Variants in GSAP observed in about 807,000 individuals in gnomAD.
GSAP encodes gamma-secretase activating protein.
A neutral mutation model predicts 131.7 loss-of-function variants in GSAP; 118 were observed. The ratio of observed to expected loss-of-function variants is 0.90; its 90% CI spans 0.77 to 1.04. The LOEUF (loss-of-function observed/expected upper bound fraction) is 1.04. Ranked by LOEUF, GSAP falls within the 50% of genes least tolerant of loss-of-function variation. The pLI is 0.00. For synonymous variants in GSAP, 381 were observed against 363.4 expected (o/e 1.05, Z -0.55); for missense variants, 1,019 against 1,013.2 (o/e 1.01, Z -0.08).
chr7:77,382,096 T>C (rs1421445900), intron 7 of GSAP, among the ~76,000 whole-genome samples: 1 of 150,954 alleles, frequency 6.6e-6, no homozygotes, highest in African/African-American at 2.4e-5. Flanking sequence ...TGGAAGGACA[T>C]AACCTTTTAT....
At chr7:77,345,064 C>A (rs1441193046) in intron 19 of GSAP, among the ~76,000 whole-genome samples, 2 of 152,182 alleles carry the variant, frequency 1.3e-5, no homozygotes, top group Non-Finnish European at 1.5e-5. Flanking sequence ...GCCAACCAAG[C>A]AAGTAATTAT....
chr7:77,379,900 G>A, intron 8 of GSAP: 1 of 977,818 alleles, frequency 1.0e-6, no homozygotes, highest in African/African-American at 1.7e-5. Flanking sequence ...TTCAATAGCT[G>A]ATACACAATT....
At chr7:77,330,406 G>A in intron 19 of GSAP, 39 bp from the exon 20 acceptor site, 1 of 1,603,260 alleles carries the variant, frequency 6.2e-7, no homozygotes, top group Non-Finnish European at 8.5e-7. Flanking sequence ...TCAGAGGCAG[G>A]CCCAGTGGCC....
chr7:77,403,127 T>C (rs548778120), intron 3 of GSAP, among the ~76,000 whole-genome samples: 6 of 152,338 alleles, frequency 3.9e-5, no homozygotes, highest in African/African-American at 9.6e-5. Flanking sequence ...CAGACTATGA[T>C]GTCTCCTCTC....
chr7:77,347,294 A>C (rs900389202), intron 19 of GSAP, among the ~76,000 whole-genome samples: 1 of 152,148 alleles, frequency 6.6e-6, no homozygotes, highest in African/African-American at 2.4e-5. Context: ...ACTTAAAGAC[A>C]GTTGGTCAGA....
intron 14 of GSAP, among the ~76,000 whole-genome samples, chr7:77,355,866 T>A (rs989477034): frequency 6.7e-6 from 1 of 148,512 alleles, no homozygotes; most frequent in African/African-American, 2.5e-5. Flanking sequence ...GTCGGCCCAC[T>A]GCAGCCTCAA....
intron 6 of GSAP, 144 bp downstream of exon 6, chr7:77,387,216 A>T: frequency 2.2e-6 from 1 of 461,912 alleles, no homozygotes; most frequent in East Asian, 3.4e-5. Flanking sequence ...GCAAACAAAG[A>T]GCGGATACTT....
chr7:77,362,631 A>G lies in GSAP; in HGVS notation c.901T>C (p.Cys301Arg), dbSNP rs1356635416. Residue 301 changes from cysteine to arginine, a missense_variant, in exon 13 of 31, where the codon TGT becomes CGT. Physicochemically the swap from Cys to Arg is radical, Grantham distance 180 (BLOSUM62 -3). Coordinates refer to ENST00000257626, the MANE Select transcript of GSAP (RefSeq NM_017439.4). ...GSLCVCYSPK[C>R]ASWGQITYSV... is the part of the protein sequence containing the mutation. The stretch of plus-strand genomic sequence containing the variant: ...TATGTGATTTGTCCCCAAGAGGCAC[A>G]CTTCGGGCTGTAACATACACACAAA... The G allele has an allele frequency of 2.5e-6, 4 of 1,584,858 alleles. No homozygotes were observed. Among genetic ancestry groups the G allele is most frequent in the Non-Finnish European group, 3.5e-6 (4 of 1,154,012 alleles).
In GSAP at chr7:77,320,817, T is replaced by C; in HGVS notation, c.1997A>G (p.Asn666Ser). The part of the protein sequence containing the change: ...HNLHSWVLHF[N>S]SRGSAAEFAV... ...AAATTCAGCAGCACTGCCACGACTA[T>C]TGCTGGGTAAAAAAAACAAAGCAGC... The change falls in exon 26 of 31, where the codon AAT becomes AGT. Residue 666 changes from asparagine to serine, a missense_variant and splice_region_variant. By Grantham distance (46) the Asn-to-Ser change is conservative. Transcript: ENST00000257626. 1 of 1,597,040 alleles carries C rather than the reference T, an allele frequency of 6.3e-7. No individual in the cohort carries two copies. Among genetic ancestry groups the C allele is most frequent in the African/African-American group, 1.3e-5 (1 of 74,684 alleles).
chr7:77,394,207 A>T (rs987552063), intron 5 of GSAP, among the ~76,000 whole-genome samples: 4 of 152,106 alleles, frequency 2.6e-5, no homozygotes, highest in Non-Finnish European at 5.9e-5. Context: ...CCACACCTTT[A>T]CAATGGCCTC....
At chr7:77,379,909 T>C (rs1797542523) in intron 8 of GSAP, 1 of 976,432 alleles carries the variant, frequency 1.0e-6, no homozygotes, top group Admixed American at 6.1e-5. Flanking sequence ...TGATACACAA[T>C]TGATAAATTC....
At chr7:77,330,478 G>C in intron 19 of GSAP, 111 bp from the exon 20 acceptor site, 1 of 1,438,958 alleles carries the variant, frequency 6.9e-7, no homozygotes, top group South Asian at 1.5e-5. Context: ...CCACATTTCT[G>C]AGTGAATACT....
chr7:77,361,170 G>C (rs1794476703), intron 13 of GSAP, among the ~76,000 whole-genome samples: 1 of 152,178 alleles, frequency 6.6e-6, no homozygotes. Context: ...GAGAGGATCT[G>C]AAGGAATTTA....
chr7:77,317,668 T>C (rs1787042843), intron 26 of GSAP, among the ~76,000 whole-genome samples: 1 of 152,208 alleles, frequency 6.6e-6, no homozygotes, highest in African/African-American at 2.4e-5. Context: ...GGGTAGAAAG[T>C]GGATTTTTAT....
rs35007328 is a variant in GSAP at position 77,365,898 on chromosome 7, GTT to G, written c.872-3240_872-3239del. 3.9e-3 allele frequency among the ~76,000 whole-genome samples: 448 copies of G among 115,554 alleles called. 3 individuals are homozygous for G. Among genetic ancestry groups the G allele is most frequent in the East Asian group, 0.024 (89 of 3,692 alleles). 75.8% of individuals were successfully genotyped at this position (115,554 alleles called of 152,430 possible). A position where few individuals can be genotyped will look rare whatever the true frequency, so the allele number is the denominator to read the frequency against. ...TCTGCAACCTTGCCAGCAACTGTGG[GTT>G]TTTTTTTTTTTTTTTTTTTTTTACT... On this transcript the variant is annotated intron_variant, in intron 12 of 30. Coordinates refer to ENST00000257626, the MANE Select transcript of GSAP (RefSeq NM_017439.4).
chr7:77,365,680 G>A (rs1045114036), intron 12 of GSAP, among the ~76,000 whole-genome samples: 2 of 152,044 alleles, frequency 1.3e-5, no homozygotes, highest in Non-Finnish European at 2.9e-5. Context: ...CATGAATCAC[G>A]CTGCAATTGA....
At chr7:77,316,443 AG>A (rs1794975698) in intron 26 of GSAP, 2 of 152,264 alleles carry the variant, frequency 1.3e-5, no homozygotes, top group South Asian at 2.1e-4. Context: ...GATGAAGTAC[AG>A]GCTCTGCCCA....
At chr7:77,349,224 C>A in intron 19 of GSAP, 127 bp downstream of exon 19, 1 of 686,268 alleles carries the variant, frequency 1.5e-6, no homozygotes. Flanking sequence ...CTCCAGAAAA[C>A]CCACCCTACT....
Position 77,353,576 on chromosome 7 carries a change from T to C in GSAP, c.1404A>G (p.Ile468Met). ...TGCAACATCAGCAACACTTACCAATTATAAATTCCTGAATGAGGTCAAATG... is the reference window on the plus strand; with the variant it reads ...TGCAACATCAGCAACACTTACCAATCATAAATTCCTGAATGAGGTCAAATG... ...CHSFDLIQEFIIASSYWSVYS... is the reference protein window; with the variant it reads ...CHSFDLIQEFMIASSYWSVYS... Residue 468 changes from isoleucine to methionine, a missense_variant, in exon 17 of 31, where the codon ATA becomes ATG. Ile to Met is a conservative substitution (Grantham distance 10). Coordinates refer to ENST00000257626, the MANE Select transcript of GSAP (RefSeq NM_017439.4). The C allele has an allele frequency of 6.2e-7, 1 of 1,604,684 alleles. No homozygotes were observed. The highest frequency in any genetic ancestry group is 8.5e-7 in the Non-Finnish European group (1 of 1,172,230).
Sources: gnomAD v4.1 joint callset for allele counts (sites outside exome capture counted in the v4.1 genomes callset) on GRCh38, gnomAD v4.1.1 for gene constraint, MANE v1.5 for transcripts, NCBI Gene and HGNC (gene_info 2026-07-23, HGNC 2026-07-21) for gene names.